The following DOCK1 variants were observed in gnomAD, a reference collection of about 807,000 sequenced individuals.
DOCK1 encodes the protein dedicator of cytokinesis 1.
DOCK1 carries 138 observed loss-of-function variants against 262.7 expected under a neutral mutation model. The observed-to-expected ratio is 0.53, with a 90% CI of 0.46 to 0.61. DOCK1 has a LOEUF of 0.61. DOCK1 is among the 20% of genes least tolerant of loss of function. DOCK1 has a pLI of 0.00. For synonymous variants in DOCK1, 866 were observed against 867.4 expected (o/e 1.00, Z 0.03); for missense variants, 1,908 against 2,370.7 (o/e 0.80, Z 4.05).
intron 4 of DOCK1, among the ~76,000 whole-genome samples, chr10:126,982,995 T>C (rs990061925): frequency 6.6e-6 from 1 of 152,224 alleles, no homozygotes; most frequent in African/African-American, 2.4e-5. Flanking sequence ...AATGTAATTA[T>C]GAAGCATGAT....
At chr10:127,184,264 T>C (rs1462725475) in intron 27 of DOCK1, among the ~76,000 whole-genome samples, 1 of 152,146 alleles carries the variant, frequency 6.6e-6, no homozygotes. Flanking sequence ...GTCAGTATTT[T>C]TATGCTGAAG....
intron 27 of DOCK1, chr10:127,137,809 G>A (rs545410333): frequency 1.9e-6 from 3 of 1,591,592 alleles, no homozygotes; most frequent in Admixed American, 1.8e-5. Context: ...TTCTAAAGAC[G>A]GCCTCGAGAC....
rs1025047245 is a variant in DOCK1 at position 127,361,144 on chromosome 10, T to C, written c.3284-920T>C. Among the ~76,000 whole-genome samples the C allele has an allele frequency of 7.6e-5, 11 of 145,064 alleles. No homozygotes were observed. The East Asian group carries it at 1.2e-3, about 16-fold the overall frequency. ...TTTTTTTTTTTTTGAGACAGAGTCT[T>C]GCTCTGTCGCCCAGGCTGGAGTGCA... On this transcript the variant is annotated intron_variant, in intron 32 of 51. Transcript: ENST00000623213.
At chr10:127,033,064 AT>A (rs1309761940) in intron 18 of DOCK1, among the ~76,000 whole-genome samples, 5 of 152,204 alleles carry the variant, frequency 3.3e-5, no homozygotes, top group Admixed American at 3.3e-4. Flanking sequence ...TTGTCTGTCG[AT>A]ACGGGAATAG....
chr10:127,306,078 G>A (rs539476163), intron 29 of DOCK1, among the ~76,000 whole-genome samples: 13 of 149,626 alleles, frequency 8.7e-5, no homozygotes, highest in Admixed American at 5.3e-4. Flanking sequence ...GCAGTGGTGC[G>A]ATCTCAGCTT....
intron 16 of DOCK1, among the ~76,000 whole-genome samples, chr10:127,027,927 T>TGA (rs573148308): frequency 7.6e-4 from 116 of 151,976 alleles, no homozygotes; most frequent in African/African-American, 2.5e-3. Flanking sequence ...GCCTGGTGTG[T>TGA]GGTCTGCAGA....
intron 2 of DOCK1, among the ~76,000 whole-genome samples, chr10:126,977,534 C>T (rs2038639532): frequency 1.3e-5 from 2 of 152,054 alleles, no homozygotes; most frequent in South Asian, 2.1e-4. Context: ...TTTGGGGCAG[C>T]GAGATGCTGA....
chr10:127,049,754 C>G (rs1179754872), intron 21 of DOCK1, among the ~76,000 whole-genome samples: 1 of 151,636 alleles, frequency 6.6e-6, no homozygotes, highest in Non-Finnish European at 1.5e-5. Flanking sequence ...AATATTTATA[C>G]TTTCAAAAAG....
At chr10:126,974,156 G>T (rs1406756343) in intron 2 of DOCK1, among the ~76,000 whole-genome samples, 1 of 152,042 alleles carries the variant, frequency 6.6e-6, no homozygotes. Context: ...GTGAGGCCAG[G>T]CCCCAGTGTT....
intron 27 of DOCK1, among the ~76,000 whole-genome samples, chr10:127,247,384 G>A (rs1431979010): frequency 6.6e-6 from 1 of 152,094 alleles, no homozygotes; most frequent in Non-Finnish European, 1.5e-5. Flanking sequence ...ATAACTCATT[G>A]TGGAGTTGTG....
At position 127,175,637 on chromosome 10, in the gene DOCK1, A is replaced by T. The variant is rs778597060; in HGVS notation, c.2847+47873A>T. 6.2e-7 allele frequency: 1 copy of T among 1,613,276 alleles called. No individual in the cohort carries two copies. Among genetic ancestry groups the T allele is most frequent in the Non-Finnish European group, 8.5e-7 (1 of 1,179,934 alleles). ...TGAGGGCAGGTGCGTAAACGGTGGC[A>T]ACCTCCGTTTTAAACACCCTCCTGA... is the stretch of plus-strand genomic sequence containing the variant. On this transcript the variant is annotated intron_variant, in intron 27 of 51. Transcript: ENST00000623213. This position sits in a 1 kb window ranked among gnomAD's most constrained non-coding sequence, Gnocchi z 6.3.
intron 18 of DOCK1, among the ~76,000 whole-genome samples, chr10:127,033,392 A>G (rs1005119376): frequency 6.6e-6 from 1 of 152,152 alleles, no homozygotes; most frequent in African/African-American, 2.4e-5. Context: ...CTCCAGTGAC[A>G]TTGCTGTCCA....
intron 49 of DOCK1, among the ~76,000 whole-genome samples, chr10:127,439,960 C>G (rs533221652): frequency 3.4e-4 from 52 of 152,164 alleles, no homozygotes; most frequent in African/African-American, 1.3e-3. Context: ...AATCTGTGTT[C>G]GTCTGTTTTG....
intron 38 of DOCK1, among the ~76,000 whole-genome samples, chr10:127,396,754 C>CAAAATAAAAAAA (rs756829996): frequency 7.5e-6 from 1 of 134,146 alleles, no homozygotes. Context: ...ATCTCTGTTA[C>CAAAATAAAAAAA]AAAAAAAAAA....
chr10:127,393,019 A>G (rs1265324528), intron 38 of DOCK1, among the ~76,000 whole-genome samples: 1 of 152,196 alleles, frequency 6.6e-6, no homozygotes, highest in East Asian at 1.9e-4. Flanking sequence ...ACAAGCATGC[A>G]GGGAGGGCCG....
intron 1 of DOCK1, among the ~76,000 whole-genome samples, chr10:126,939,958 G>A (rs993180666): frequency 3.3e-5 from 5 of 152,196 alleles, no homozygotes; most frequent in African/African-American, 4.8e-5. Flanking sequence ...GCCTCCATGA[G>A]CTGGTGGCTG....
intron 10 of DOCK1, among the ~76,000 whole-genome samples, chr10:127,005,513 GAA>G (rs2040948607): frequency 6.6e-6 from 1 of 152,194 alleles, no homozygotes; most frequent in Non-Finnish European, 1.5e-5. Context: ...CTTAAAATGA[GAA>G]AGTGTCCATG....
chr10:127,439,857 C>T (rs2069971505), intron 49 of DOCK1, among the ~76,000 whole-genome samples: 2 of 152,088 alleles, frequency 1.3e-5, no homozygotes, highest in South Asian at 4.1e-4. Flanking sequence ...ATTCCACAGT[C>T]GTGGGCGTGT....
At chr10:126,929,970 T>A (rs1304223978) in intron 1 of DOCK1, among the ~76,000 whole-genome samples, 1 of 152,176 alleles carries the variant, frequency 6.6e-6, no homozygotes, top group Non-Finnish European at 1.5e-5. Flanking sequence ...TCTTCTTTTT[T>A]TTCCTCTTCC....
Sources: allele counts gnomAD v4.1 joint callset (sites outside exome capture counted in the v4.1 genomes callset), GRCh38; gene constraint gnomAD v4.1.1; non-coding constraint Gnocchi (gnomAD v3.1); transcripts MANE v1.5; gene names NCBI Gene and HGNC (gene_info 2026-07-23, HGNC 2026-07-21).